The following CA10 variants were observed in gnomAD, a reference collection of about 807,000 sequenced individuals.
CA10 encodes the protein carbonic anhydrase 10 (inactive).
CA10 carries 14 observed loss-of-function variants against 44.2 expected under a neutral mutation model. That is an observed-to-expected ratio of 0.32 (90% CI 0.21 to 0.50). The LOEUF is 0.50. CA10 is among the 20% of genes least tolerant of loss of function. CA10 has a pLI of 0.99. For missense variants in CA10, 350 were observed against 409.7 expected, an observed-to-expected ratio of 0.85 and a Z score of 1.26; for synonymous variants, 159 against 141.6, an observed-to-expected ratio of 1.12 and a Z score of -0.87.
chr17:52,149,893 G>A lies in CA10; in HGVS notation c.61+7833C>T, dbSNP rs1989667660. On this transcript the variant is annotated intron_variant, in intron 1 of 8. Transcript: ENST00000451037. Reference sequence around the variant, plus strand: ...TACTGACTGGTCTCTTCCTAATGAAGGATGCAAACTGCATACTTCCTTGGG... The same window carrying A: ...TACTGACTGGTCTCTTCCTAATGAAAGATGCAAACTGCATACTTCCTTGGG... Among the ~76,000 whole-genome samples the A allele has an allele frequency of 2.6e-5, 4 of 152,122 alleles. No individual in the cohort carries two copies. In the South Asian group the frequency reaches 8.3e-4, roughly 32 times the overall value.
chr17:51,689,933 T>C (rs968219256), intron 4 of CA10, among the ~76,000 whole-genome samples: 9 of 151,788 alleles, frequency 5.9e-5, no homozygotes, highest in African/African-American at 2.2e-4. Context: ...GTGAGAACAC[T>C]TAAAATCTAC....
At chr17:52,070,331 G>C (rs1476823377) in intron 2 of CA10, 1 of 2,862 alleles carries the variant, frequency 3.5e-4, no homozygotes. Flanking sequence ...GTTTGTAATT[G>C]TCTCCCTCAA....
chr17:51,666,767 T>C (rs1203339042), intron 4 of CA10, among the ~76,000 whole-genome samples: 1 of 152,148 alleles, frequency 6.6e-6, no homozygotes, highest in Non-Finnish European at 1.5e-5. Flanking sequence ...TTTTTTAAAA[T>C]AAAAAAGCAA....
chr17:51,918,760 T>C (rs1426029643), intron 3 of CA10, among the ~76,000 whole-genome samples: 2 of 152,208 alleles, frequency 1.3e-5, no homozygotes, highest in African/African-American at 2.4e-5. Flanking sequence ...AAAACAGATA[T>C]TAGGCTGAAT....
intron 1 of CA10, among the ~76,000 whole-genome samples, chr17:52,075,037 CAG>C (rs2143148369): frequency 6.6e-6 from 1 of 152,214 alleles, no homozygotes; most frequent in South Asian, 2.1e-4. Flanking sequence ...ATAGTTATGA[CAG>C]AGACCATTTG....
At chr17:51,973,743 CCT>C (rs780757783) in intron 2 of CA10, among the ~76,000 whole-genome samples, 2 of 152,160 alleles carry the variant, frequency 1.3e-5, no homozygotes, top group African/African-American at 2.4e-5. Flanking sequence ...AATTAACTAT[CCT>C]CTGTTAGAAA....
chr17:51,849,143 TTTTATATATATACATATATG>T, intron 3 of CA10, among the ~76,000 whole-genome samples: 2 of 132,076 alleles, frequency 1.5e-5, no homozygotes, highest in African/African-American at 5.4e-5. Flanking sequence ...AAACTTAGTT[TTTTATATATATACATATATG>T]TATATATATA....
intron 3 of CA10, among the ~76,000 whole-genome samples, chr17:51,891,901 C>A (rs367621893): frequency 6.6e-6 from 1 of 152,206 alleles, no homozygotes; most frequent in African/African-American, 2.4e-5. Context: ...CTACATCTCA[C>A]CGGTGAGGAA....
chr17:51,924,625 G>C (rs1013674782), intron 3 of CA10, among the ~76,000 whole-genome samples: 1 of 152,128 alleles, frequency 6.6e-6, no homozygotes, highest in Non-Finnish European at 1.5e-5. Flanking sequence ...TTCCATAAGA[G>C]GGGAGGAAAG....
At chr17:51,688,687 C>A (rs1173112049) in intron 4 of CA10, among the ~76,000 whole-genome samples, 1 of 152,152 alleles carries the variant, frequency 6.6e-6, no homozygotes, top group African/African-American at 2.4e-5. Flanking sequence ...TATCCCTTTC[C>A]CCATCTGCCT....
intron 2 of CA10, among the ~76,000 whole-genome samples, chr17:52,014,199 G>A (rs1451455793): frequency 6.6e-6 from 1 of 151,034 alleles, no homozygotes; most frequent in Non-Finnish European, 1.5e-5. Context: ...TATGAAAGAG[G>A]AAAGCACCAA....
intron 3 of CA10, among the ~76,000 whole-genome samples, chr17:51,760,509 C>A (rs918099088): frequency 6.6e-6 from 1 of 152,108 alleles, no homozygotes; most frequent in African/African-American, 2.4e-5. Flanking sequence ...TCTTGGATGT[C>A]TTTGGGGCAG....
intron 2 of CA10, among the ~76,000 whole-genome samples, chr17:52,052,721 T>A (rs2059559337): frequency 6.6e-6 from 1 of 152,062 alleles, no homozygotes; most frequent in African/African-American, 2.4e-5. Context: ...GCTCCTTAGA[T>A]AAAGGTTAAA....
At chr17:51,912,585 C>T (rs372382803) in intron 3 of CA10, among the ~76,000 whole-genome samples, 19 of 152,202 alleles carry the variant, frequency 1.2e-4, no homozygotes, top group East Asian at 1.9e-4. Flanking sequence ...AAAGCTAAAA[C>T]GTCCTAAGCC....
At chr17:51,855,364 A>G (rs1443501904) in intron 3 of CA10, among the ~76,000 whole-genome samples, 4 of 152,206 alleles carry the variant, frequency 2.6e-5, no homozygotes, top group Non-Finnish European at 5.9e-5. Context: ...AGATTGTAAT[A>G]TGCACCATCC....
At chr17:52,005,684 T>C (rs374869336) in intron 2 of CA10, among the ~76,000 whole-genome samples, 1 of 151,984 alleles carries the variant, frequency 6.6e-6, no homozygotes. Context: ...GTCTGCTATG[T>C]TGATGTAATG....
intron 2 of CA10, among the ~76,000 whole-genome samples, chr17:52,032,503 T>C (rs1341412892): frequency 6.6e-6 from 1 of 152,178 alleles, no homozygotes; most frequent in African/African-American, 2.4e-5. Flanking sequence ...CTCTTTCTTT[T>C]CCTTTAGTTA....
intron 3 of CA10, among the ~76,000 whole-genome samples, chr17:51,918,446 G>A (rs1489907807): frequency 6.6e-6 from 1 of 152,188 alleles, no homozygotes; most frequent in Non-Finnish European, 1.5e-5. Context: ...CTGCTAGTTT[G>A]ATAGGTTTCT....
intron 3 of CA10, among the ~76,000 whole-genome samples, chr17:51,769,622 CTA>C (rs1905523083): frequency 6.6e-6 from 1 of 152,110 alleles, no homozygotes; most frequent in Non-Finnish European, 1.5e-5. Context: ...CACATAAATC[CTA>C]TGAGACCAGC....
Sources: allele counts gnomAD v4.1 joint callset (sites outside exome capture counted in the v4.1 genomes callset), GRCh38; gene constraint gnomAD v4.1.1; transcripts MANE v1.5; gene names NCBI Gene and HGNC (gene_info 2026-07-23, HGNC 2026-07-21).